Variants in EML6 observed in about 807,000 individuals in gnomAD.
EML6 encodes EMAP like 6.
Under a neutral mutation model 240.1 loss-of-function variants are expected in EML6, and 154 were observed. The observed-to-expected ratio is 0.64, with a 90% confidence interval of 0.56 to 0.73. EML6 has a LOEUF of 0.73. Ranked by LOEUF, EML6 falls within the 30% of genes least tolerant of loss-of-function variation. The pLI, the probability that EML6 is intolerant of heterozygous loss-of-function variation, is 0.00. For missense variants in EML6, 2,964 were observed against 2,474.6 expected (o/e 1.20, Z -4.20); for synonymous variants, 1,148 against 899.0 (o/e 1.28, Z -4.95).
At chr2:54,842,558 C>T (rs140415503) in intron 7 of EML6, among the ~76,000 whole-genome samples, 1 of 152,280 alleles carries the variant, frequency 6.6e-6, no homozygotes, top group African/African-American at 2.4e-5. Flanking sequence ...AGTCCTCGAA[C>T]GTCTGATACT....
At chr2:54,829,247 T>A in intron 6 of EML6, 95 bp from the exon 7 acceptor site, 1 of 1,262,638 alleles carries the variant, frequency 7.9e-7, no homozygotes, top group South Asian at 1.7e-5. Context: ...ATTTTTGTTT[T>A]TGACTTGCTA....
At chr2:54,754,023 T>A (rs1267041503) in intron 2 of EML6, among the ~76,000 whole-genome samples, 1 of 151,630 alleles carries the variant, frequency 6.6e-6, no homozygotes, top group African/African-American at 2.4e-5. Flanking sequence ...TAGTCCCAGT[T>A]ACTCGGGAGG....
At chr2:54,908,775 A>G (rs1251525695) in intron 24 of EML6, among the ~76,000 whole-genome samples, 1 of 152,242 alleles carries the variant, frequency 6.6e-6, no homozygotes, top group South Asian at 2.1e-4. Flanking sequence ...GTAGGCACCA[A>G]CTGATTCAGC....
At chr2:54,909,854 A>G (rs1210012013) in intron 24 of EML6, among the ~76,000 whole-genome samples, 1 of 149,804 alleles carries the variant, frequency 6.7e-6, no homozygotes, top group East Asian at 2.0e-4. Context: ...CCATCTCAAA[A>G]AAAAAAAAAA....
At chr2:54,762,650 G>A (rs1401299381) in intron 2 of EML6, among the ~76,000 whole-genome samples, 3 of 151,984 alleles carry the variant, frequency 2.0e-5, no homozygotes, top group African/African-American at 7.3e-5. Context: ...TTATTTTGAT[G>A]CTCAGATTAT....
At chr2:54,732,153 G>A (rs6740557) in intron 2 of EML6, among the ~76,000 whole-genome samples, 2,755 of 151,782 alleles carry the variant, frequency 0.018, 84 homozygotes, top group African/African-American at 0.058. Flanking sequence ...TAATCAGTTT[G>A]TCTTTTTATT....
Position 54,892,490 on chromosome 2 carries a change from G to A in EML6, c.2576G>A (p.Ser859Asn). The change falls in exon 19 of 42, where the codon AGC (serine) becomes AAC (asparagine). Residue 859 changes from serine to asparagine, a missense_variant. Ser to Asn is a conservative substitution (Grantham distance 46, BLOSUM62 1). Coordinates refer to ENST00000356458, the MANE Select transcript of EML6 (RefSeq NM_001039753.4). The part of the protein sequence containing the change: ...GFTSKRGTFG[S>N]VGKLETMMCV... Reference sequence around the variant, plus strand: ...ACTTCTAAAAGAGGAACTTTTGGAAGCGTTGGAAAATTGGAAACAATGATG... The same window carrying A: ...ACTTCTAAAAGAGGAACTTTTGGAAACGTTGGAAAATTGGAAACAATGATG... 1.9e-6 allele frequency: 3 copies of A among 1,551,450 alleles called. No individual in the cohort carries two copies. The highest frequency in any genetic ancestry group is 2.6e-6 in the Non-Finnish European group (3 of 1,146,794).
intron 5 of EML6, among the ~76,000 whole-genome samples, chr2:54,824,310 T>C (rs1668483840): frequency 6.6e-6 from 1 of 152,218 alleles, no homozygotes. Flanking sequence ...GGACATTTTT[T>C]CTAAGCAAAT....
chr2:54,799,416 G>T lies in EML6; in HGVS notation c.198-13816G>T, dbSNP rs548856441. ...TCTGGTGTGTGGTGGCGCGATCTCC[G>T]TTCACTGCAACCTCTGACTCCCTGA... On this transcript the variant is annotated intron_variant, in intron 2 of 41. Transcript: ENST00000356458. Among the ~76,000 whole-genome samples, 11 of 151,422 alleles carry T rather than the reference G, an allele frequency of 7.3e-5. No homozygotes were observed. In the South Asian group the frequency reaches 2.1e-3, roughly 29 times the overall value.
intron 17 of EML6, among the ~76,000 whole-genome samples, chr2:54,888,589 A>G (rs144203093): frequency 3.8e-4 from 58 of 152,282 alleles, no homozygotes; most frequent in African/African-American, 1.4e-3. Context: ...TACCTTTTCC[A>G]GAATGTCATA....
intron 36 of EML6, 93 bp downstream of exon 36, chr2:54,962,804 G>A: frequency 9.1e-7 from 1 of 1,104,650 alleles, no homozygotes; most frequent in South Asian, 2.3e-5. Context: ...CGTCATGGCA[G>A]AGACGGGGAT....
intron 5 of EML6, among the ~76,000 whole-genome samples, chr2:54,825,084 C>T (rs1164249399): frequency 6.6e-6 from 1 of 152,136 alleles, no homozygotes; most frequent in South Asian, 2.1e-4. Flanking sequence ...TTATGTAGAT[C>T]AAGTCTGAAG....
intron 13 of EML6, among the ~76,000 whole-genome samples, chr2:54,864,505 A>T (rs570862551): frequency 2.6e-5 from 4 of 152,370 alleles, no homozygotes; most frequent in African/African-American, 7.2e-5. Flanking sequence ...CCTCAGCGGA[A>T]TCTGAACACA....
intron 11 of EML6, among the ~76,000 whole-genome samples, chr2:54,855,791 G>T (rs1317142224): frequency 6.6e-6 from 1 of 152,104 alleles, no homozygotes; most frequent in Non-Finnish European, 1.5e-5. Flanking sequence ...TCAGGCTTTT[G>T]TGTCCTTTTT....
intron 28 of EML6, among the ~76,000 whole-genome samples, chr2:54,943,608 C>A (rs747060256): frequency 1.3e-5 from 2 of 152,130 alleles, no homozygotes; most frequent in Non-Finnish European, 2.9e-5. Context: ...GGCTCTTTAA[C>A]CCCTGAGTCC....
At chr2:54,897,630 G>T (rs1443568143) in intron 21 of EML6, among the ~76,000 whole-genome samples, 1 of 151,952 alleles carries the variant, frequency 6.6e-6, no homozygotes, top group Non-Finnish European at 1.5e-5. Context: ...TGGTTGAGCT[G>T]CTGGAAGCTT....
At chr2:54,734,834 G>A (rs1011800673) in intron 2 of EML6, among the ~76,000 whole-genome samples, 4 of 152,170 alleles carry the variant, frequency 2.6e-5, no homozygotes, top group Admixed American at 6.5e-5. Context: ...TTTTGAAAAT[G>A]AATTTTCCTA....
At chr2:54,843,491 C>T (rs12614228) in intron 7 of EML6, among the ~76,000 whole-genome samples, 34,193 of 151,998 alleles carry the variant, frequency 0.22, 4,689 homozygotes, top group Non-Finnish European at 0.3. Context: ...GGAAAAGCAG[C>T]CACTCTTTTG....
At chr2:54,963,593 A>G (rs976312605) in intron 36 of EML6, among the ~76,000 whole-genome samples, 1 of 152,226 alleles carries the variant, frequency 6.6e-6, no homozygotes, top group Non-Finnish European at 1.5e-5. Context: ...TTGGCAATCT[A>G]CAGTTAAAGG....
Sources: allele counts gnomAD v4.1 joint callset (sites outside exome capture counted in the v4.1 genomes callset), GRCh38; gene constraint gnomAD v4.1.1; transcripts MANE v1.5; gene names NCBI Gene and HGNC (gene_info 2026-07-23, HGNC 2026-07-21).